The following DIAPH1 variants were observed in gnomAD, a reference collection of about 807,000 sequenced individuals.
DIAPH1 encodes the protein diaphanous related formin 1.
Under a neutral mutation model 140.7 loss-of-function variants are expected in DIAPH1, and 46 were observed. The observed-to-expected ratio is 0.33, with a 90% CI of 0.26 to 0.42. The LOEUF (loss-of-function observed/expected upper bound fraction) is 0.42. Ranked by LOEUF, DIAPH1 falls within the 10% of genes least tolerant of loss-of-function variation. DIAPH1 has a pLI of 1.00. For synonymous variants in DIAPH1, 565 were observed against 551.6 expected, an observed-to-expected ratio of 1.02 and a Z score of -0.34; for missense variants, 1,310 against 1,558.7, an observed-to-expected ratio of 0.84 and a Z score of 2.69.
At chr5:141,617,716 C>T (rs768934466) in intron 1 of DIAPH1, among the ~76,000 whole-genome samples, 1 of 152,196 alleles carries the variant, frequency 6.6e-6, no homozygotes, top group Non-Finnish European at 1.5e-5. Context: ...CTGGACAGTG[C>T]CCCGTATCTT....
rs2154596262 is a variant in DIAPH1, at chr5:141,573,541, T to C, written c.2309A>G (p.Lys770Arg). ...CTGCACCTCTGGCTTATAAAGCTTTTTGGGGGTTAATCCAAATGGCAGAAC... is the reference window on the plus strand; with the variant it reads ...CTGCACCTCTGGCTTATAAAGCTTTCTGGGGGTTAATCCAAATGGCAGAAC... ...APVLPFGLTPKKLYKPEVQLR... is the reference protein window; with the variant it reads ...APVLPFGLTPRKLYKPEVQLR... Residue 770 changes from lysine (K) to arginine (R), a missense_variant, in exon 16 of 28, where the codon AAA becomes AGA. Transcript: ENST00000389054. The C allele has an allele frequency of 6.2e-7, 1 of 1,613,730 alleles. No homozygotes were observed. Among genetic ancestry groups the C allele is most frequent in the Non-Finnish European group, 8.5e-7 (1 of 1,179,922 alleles).
intron 13 of DIAPH1, 62 bp downstream of exon 13, chr5:141,576,694 C>G (rs1375883615): frequency 1.7e-6 from 2 of 1,154,504 alleles, no homozygotes; most frequent in African/African-American, 3.0e-5. Context: ...TTCACTGAAA[C>G]AAGATGCAAA....
At chr5:141,613,234 G>A (rs753388442) in intron 1 of DIAPH1, among the ~76,000 whole-genome samples, 11 of 151,934 alleles carry the variant, frequency 7.2e-5, no homozygotes, top group Non-Finnish European at 8.8e-5. Context: ...TCTATCCCCC[G>A]CCTTGGAGGA....
Position 141,516,734 on chromosome 5 carries a change from T to A in DIAPH1, c.*117A>T. On this transcript the variant is annotated 3_prime_UTR_variant, in exon 28 of 28. Transcript: ENST00000389054. ...CAGCAGGCCAGAGAGAAAGACAGGG[T>A]CAGGGTGGTGGGAGTGGCCACCCCA... 2 of 1,091,902 alleles carry A rather than the reference T, an allele frequency of 1.8e-6. No homozygotes were observed. The highest frequency in any genetic ancestry group is 2.5e-5 in the East Asian group (1 of 40,424). 67.6% of individuals were successfully genotyped at this position (1,091,902 alleles called of 1,614,324 possible). A position where few individuals can be genotyped will look rare whatever the true frequency, so the allele number is the denominator to read the frequency against.
rs888464174 is a variant in DIAPH1, at chr5:141,588,441, T to C, written c.118-191A>G. 6.0e-5 allele frequency among the ~76,000 whole-genome samples: 9 copies of C among 151,076 alleles called. No individual in the cohort carries two copies. In the South Asian group the frequency reaches 1.3e-3, roughly 21 times the overall value. On this transcript the variant is annotated intron_variant, in intron 1 of 27. Coordinates refer to ENST00000389054, the MANE Select transcript of DIAPH1 (RefSeq NM_005219.5). ...CCCTCAAGTAAGGGGCAGGAAGAGT[T>C]TGAAGGTCACTAACATATGACTCTT...
intron 1 of DIAPH1, among the ~76,000 whole-genome samples, chr5:141,602,124 T>C (rs183989146): frequency 3.3e-5 from 5 of 152,352 alleles, no homozygotes; most frequent in East Asian, 3.9e-4. Flanking sequence ...TTATTCAGGA[T>C]TGACACAGTT....
intron 1 of DIAPH1, among the ~76,000 whole-genome samples, chr5:141,589,432 A>T (rs1247022029): frequency 6.6e-6 from 1 of 152,252 alleles, no homozygotes; most frequent in Non-Finnish European, 1.5e-5. Flanking sequence ...GAACTAAAAG[A>T]GTAGCGTGGA....
intron 18 of DIAPH1, among the ~76,000 whole-genome samples, chr5:141,558,871 T>TA (rs1164178911): frequency 2.0e-5 from 3 of 147,572 alleles, no homozygotes; most frequent in African/African-American, 7.5e-5. Context: ...TAAAGTGAGA[T>TA]AATGGCAACA....
intron 18 of DIAPH1, among the ~76,000 whole-genome samples, chr5:141,558,051 A>G (rs899507636): frequency 1.3e-5 from 2 of 152,184 alleles, no homozygotes; most frequent in Admixed American, 6.5e-5. Flanking sequence ...GGCGGCCAAG[A>G]TAGGGAGTCT....
chr5:141,553,979 T>C (rs776680410), intron 18 of DIAPH1, among the ~76,000 whole-genome samples: 3 of 151,932 alleles, frequency 2.0e-5, no homozygotes, highest in Non-Finnish European at 2.9e-5. Flanking sequence ...GGCTCAAGCA[T>C]TAAGAGGAAT....
intron 8 of DIAPH1, among the ~76,000 whole-genome samples, chr5:141,580,494 T>C (rs2099896585): frequency 6.6e-6 from 1 of 151,428 alleles, no homozygotes; most frequent in South Asian, 2.1e-4. Context: ...TCCTAGACAA[T>C]ACAGATATTA....
Position 141,516,768 on chromosome 5 carries a change from T to A in DIAPH1, c.*83A>T. On this transcript the variant is annotated 3_prime_UTR_variant, in exon 28 of 28. Transcript: ENST00000389054. ...TGGGAGTGGCCACCCCAGAGGAATA[T>A]CCCCTTGAGCCTTTAGGCACATGCT... The A allele has an allele frequency of 6.5e-7, 1 of 1,541,770 alleles. No homozygotes were observed. Among genetic ancestry groups the A allele is most frequent in the Non-Finnish European group, 8.9e-7 (1 of 1,121,388 alleles).
chr5:141,525,942 G>T, intron 26 of DIAPH1, 96 bp downstream of exon 26: 1 of 1,590,820 alleles, frequency 6.3e-7, no homozygotes, highest in Non-Finnish European at 8.6e-7. Context: ...TTTGCCAGGA[G>T]GTGAGCTCAG....
chr5:141,590,673 T>C (rs148760849), intron 1 of DIAPH1, among the ~76,000 whole-genome samples: 2 of 151,660 alleles, frequency 1.3e-5, no homozygotes, highest in African/African-American at 4.8e-5. Context: ...ATAGATGTAA[T>C]GTAGATAACA....
chr5:141,516,947 A>C lies in DIAPH1; in HGVS notation c.3723T>G (p.Asp1241Glu). ...SLLASELTKD[D>E]AMAAVPAKVS... is the part of the protein sequence containing the mutation. ...CCTTGGCAGGAACAGCAGCCATGGCATCATCCTTGGTCAGCTCCGAAGCTA... is the reference window on the plus strand; with the variant it reads ...CCTTGGCAGGAACAGCAGCCATGGCCTCATCCTTGGTCAGCTCCGAAGCTA... Residue 1241 changes from aspartate (D) to glutamate (E), a missense_variant, in exon 28 of 28, where the codon GAT (aspartate) becomes GAG (glutamate). Physicochemically the swap from Asp to Glu is conservative, Grantham distance 45. This residue lies in a region of DIAPH1 where 344 missense variants were observed against 512.2 expected (regional missense o/e 0.67). Coordinates refer to ENST00000389054, the MANE Select transcript of DIAPH1 (RefSeq NM_005219.5). The C allele has an allele frequency of 6.2e-7, 1 of 1,614,254 alleles. No individual in the cohort carries two copies. The highest frequency in any genetic ancestry group is 8.5e-7 in the Non-Finnish European group (1 of 1,180,048).
At chr5:141,582,107 G>A in intron 7 of DIAPH1, 4 of 354,746 alleles carry the variant, frequency 1.1e-5, no homozygotes, top group Non-Finnish European at 1.5e-5. Flanking sequence ...ACAAAATTGA[G>A]CCTGTCCTCT....
intron 18 of DIAPH1, among the ~76,000 whole-genome samples, chr5:141,535,402 A>C (rs892489304): frequency 2.6e-5 from 4 of 152,216 alleles, no homozygotes; most frequent in African/African-American, 9.6e-5. Flanking sequence ...TTCCCTGATA[A>C]ATGATACTCA....
At chr5:141,539,000 C>T (rs547520116) in intron 18 of DIAPH1, among the ~76,000 whole-genome samples, 8 of 151,508 alleles carry the variant, frequency 5.3e-5, no homozygotes, top group African/African-American at 1.9e-4. Flanking sequence ...GTGAGCCAGG[C>T]GTGGTGGCTC....
intron 15 of DIAPH1, among the ~76,000 whole-genome samples, chr5:141,574,671 A>C (rs2099895703): frequency 6.6e-6 from 1 of 152,180 alleles, no homozygotes; most frequent in Admixed American, 6.5e-5. Flanking sequence ...GTCAATTTTT[A>C]ACAGTTTAGT....
Sources: allele counts gnomAD v4.1 joint callset (sites outside exome capture counted in the v4.1 genomes callset), GRCh38; gene constraint gnomAD v4.1.1; regional missense constraint gnomAD v4.1.1; transcripts MANE v1.5; gene names NCBI Gene and HGNC (gene_info 2026-07-23, HGNC 2026-07-21).